The following MAPKBP1 variants were observed in gnomAD, a reference collection of about 807,000 sequenced individuals.
The protein encoded by MAPKBP1 is mitogen-activated protein kinase-binding protein 1.
In MAPKBP1, 71 loss-of-function variants were observed where a neutral mutation model predicts 170.5. That is an observed-to-expected ratio of 0.42 (90% confidence interval 0.34 to 0.51). The LOEUF (loss-of-function observed/expected upper bound fraction) is 0.51. Ranked by LOEUF, MAPKBP1 falls within the 20% of genes least tolerant of loss-of-function variation. The pLI, the probability that MAPKBP1 is intolerant of heterozygous loss-of-function variation, is 0.06. For synonymous variants in MAPKBP1, 719 were observed against 757.9 expected (o/e 0.95, Z 0.84); for missense variants, 1,598 against 1,933.0 (o/e 0.83, Z 3.25).
intron 3 of MAPKBP1, among the ~76,000 whole-genome samples, chr15:41,808,999 G>C (rs1322660091): frequency 6.8e-6 from 1 of 147,996 alleles, no homozygotes; most frequent in African/African-American, 2.5e-5. Flanking sequence ...CCAGGAGGTC[G>C]AGGCTGCAGG....
At chr15:41,794,516 G>A (rs1321235167) in intron 2 of MAPKBP1, among the ~76,000 whole-genome samples, 1 of 152,128 alleles carries the variant, frequency 6.6e-6, no homozygotes, top group East Asian at 1.9e-4. Context: ...AATGTTACCT[G>A]TACCATTAAG....
chr15:41,787,709 A>C (rs1461320337), intron 2 of MAPKBP1, among the ~76,000 whole-genome samples: 2 of 151,918 alleles, frequency 1.3e-5, no homozygotes, highest in African/African-American at 4.8e-5. Flanking sequence ...ATTTGTGAAG[A>C]GCCATGCCAT....
intron 2 of MAPKBP1, among the ~76,000 whole-genome samples, chr15:41,784,885 C>A (rs1409718666): frequency 4.3e-5 from 6 of 141,066 alleles, no homozygotes; most frequent in Non-Finnish European, 3.1e-5. Context: ...ATGGCGAAAC[C>A]CTATCTGTAA....
intron 2 of MAPKBP1, among the ~76,000 whole-genome samples, chr15:41,786,777 A>ATATATATAT (rs1555448144): frequency 4.9e-4 from 16 of 32,438 alleles, no homozygotes; most frequent in East Asian, 7.8e-4. Flanking sequence ...AAAAAAAAAA[A>ATATATATAT]ATATATATAT....
At chr15:41,805,126 C>G (rs2064668400) in intron 3 of MAPKBP1, among the ~76,000 whole-genome samples, 1 of 152,176 alleles carries the variant, frequency 6.6e-6, no homozygotes, top group South Asian at 2.1e-4. Context: ...AGGCGAATAT[C>G]AAACCAAAAC....
chr15:41,815,345 G>T lies in MAPKBP1; in HGVS notation c.1257G>T (p.Leu419=), dbSNP rs909563190. 1 of 1,614,206 alleles carries T rather than the reference G, an allele frequency of 6.2e-7. No individual in the cohort carries two copies. The highest frequency in any genetic ancestry group is 8.5e-7 in the Non-Finnish European group (1 of 1,180,040). ...GCTCCTCAGACAACACCATCCGCCT[G>T]TGGAACACAGAGAGCTCCGGGGTGC... The part of the protein sequence containing the change: ...ITCSSDNTIR[L]WNTESSGVHG... Residue 419 remains leucine, a synonymous_variant, in exon 11 of 31, where the codon CTG becomes CTT. Transcript: ENST00000457542.
chr15:41,775,347 C>T lies in MAPKBP1; in HGVS notation c.72C>T (p.Arg24=), dbSNP rs1360072528. The change falls in exon 2 of 31, where the codon CGC becomes CGT. Residue 24 remains arginine (R), a synonymous_variant. Coordinates refer to ENST00000457542, the MANE Select transcript of MAPKBP1 (RefSeq NM_014994.3). ...TGAGATCTCCATCCATCAAACTGCGCAGGAGTAAGGCAGGAAACCGACGAG... is the reference window on the plus strand; with the variant it reads ...TGAGATCTCCATCCATCAAACTGCGTAGGAGTAAGGCAGGAAACCGACGAG... ...NLLRSPSIKL[R]RSKAGNRRED... is the part of the protein sequence containing the mutation. 6.2e-7 allele frequency: 1 copy of T among 1,614,054 alleles called. No homozygotes were observed. Among genetic ancestry groups the T allele is most frequent in the Admixed American group, 1.7e-5 (1 of 60,008 alleles).
chr15:41,825,548 G>T lies in MAPKBP1; in HGVS notation c.*112G>T. Reference sequence around the variant, plus strand: ...CTTGGAGTGGAAAGCAGGGAGCAGTGTTCAGAGGCAAAGCAGCCTTCCCAG... The same window carrying T: ...CTTGGAGTGGAAAGCAGGGAGCAGTTTTCAGAGGCAAAGCAGCCTTCCCAG... On this transcript the variant is annotated 3_prime_UTR_variant, in exon 31 of 31. Transcript: ENST00000457542. 1 of 946,064 alleles carries T rather than the reference G, an allele frequency of 1.1e-6. No homozygotes were observed. Among genetic ancestry groups the T allele is most frequent in the Non-Finnish European group, 1.5e-6 (1 of 650,714 alleles). 58.6% of individuals were successfully genotyped at this position (946,064 alleles called of 1,614,324 possible). A position where few individuals can be genotyped will look rare whatever the true frequency, so the allele number is the denominator to read the frequency against.
intron 21 of MAPKBP1, 44 bp from the exon 22 acceptor site, chr15:41,819,547 CGGGG>C: frequency 8.1e-7 from 1 of 1,228,202 alleles, no homozygotes; most frequent in Non-Finnish European, 1.1e-6. Flanking sequence ...GGTTGGGTGG[CGGGG>C]GGGGGGCAGG....
rs2065056343 is a variant in MAPKBP1 at position 41,824,528 on chromosome 15, C to T, written c.4258C>T (p.Leu1420Phe). The T allele has an allele frequency of 6.2e-7, 1 of 1,603,386 alleles. No homozygotes were observed. Among genetic ancestry groups the T allele is most frequent in the Admixed American group, 1.7e-5 (1 of 58,936 alleles). ...LEQCEQLVAE[L>F]RGSVRQAVRL... is the part of the protein sequence containing the mutation. ...GCAGTGTGAGCAGCTGGTGGCAGAG[C>T]TCCGCGGCAGCGTGCGCCAGGCAGT... The change falls in exon 30 of 31, where the codon CTC becomes TTC. Residue 1420 changes from leucine (L) to phenylalanine (F), a missense_variant. Around this residue, in one of 6 missense-constraint regions of MAPKBP1, gnomAD observed 942 missense variants for 953.2 expected, o/e 0.99. Coordinates refer to ENST00000457542, the MANE Select transcript of MAPKBP1 (RefSeq NM_014994.3).
chr15:41,823,364 C>A (rs1335649576), intron 28 of MAPKBP1, 83 bp from the exon 29 acceptor site: 2 of 1,550,728 alleles, frequency 1.3e-6, no homozygotes, highest in Admixed American at 3.6e-5. Flanking sequence ...TGGAGGGGAA[C>A]AGCAGCTCTT....
At chr15:41,809,340 C>A (rs2064763523) in intron 3 of MAPKBP1, among the ~76,000 whole-genome samples, 1 of 152,124 alleles carries the variant, frequency 6.6e-6, no homozygotes, top group Non-Finnish European at 1.5e-5. Flanking sequence ...AATTCCACAG[C>A]TGTTGGTCAG....
At position 41,817,742 on chromosome 15, in the gene MAPKBP1, G is replaced by A. The variant is rs563109655; in HGVS notation, c.1904+7G>A. 8.7e-6 allele frequency: 14 copies of A among 1,611,292 alleles called. No homozygotes were observed. Among genetic ancestry groups the A allele is most frequent in the Admixed American group, 5.0e-5 (3 of 59,506 alleles). ...GCCAGGACCGAAATATTCGGTGGGCGTCCCCTCCTCAGACTCTGCCCACAT... is the reference window on the plus strand; with the variant it reads ...GCCAGGACCGAAATATTCGGTGGGCATCCCCTCCTCAGACTCTGCCCACAT... On this transcript the variant is annotated splice_region_variant and intron_variant, in intron 16 of 30. Transcript: ENST00000457542. This position sits in a 1 kb window ranked among gnomAD's most constrained non-coding sequence, Gnocchi z 4.2.
chr15:41,820,249 G>T (rs942132831), intron 22 of MAPKBP1, among the ~76,000 whole-genome samples: 1 of 152,164 alleles, frequency 6.6e-6, no homozygotes, highest in Non-Finnish European at 1.5e-5. Flanking sequence ...TGATGCTGTG[G>T]TGTCTCTGGA....
chr15:41,786,777 A>AAAAAAAAAAAATATATATAT, intron 2 of MAPKBP1, among the ~76,000 whole-genome samples: 5 of 32,452 alleles, frequency 1.5e-4, no homozygotes, highest in Non-Finnish European at 2.2e-4. Context: ...AAAAAAAAAA[A>AAAAAAAAAAAATATATATAT]ATATATATAT....
rs2064904877 is a variant in MAPKBP1 at position 41,817,099 on chromosome 15, C to G, written c.1711+64C>G. On this transcript the variant is annotated intron_variant, in intron 14 of 30. Coordinates refer to ENST00000457542, the MANE Select transcript of MAPKBP1 (RefSeq NM_014994.3). The surrounding 1 kb of genome is among the most constrained non-coding windows in gnomAD (Gnocchi z 4.2). The stretch of plus-strand genomic sequence containing the variant: ...ACCCCTGCTGCCATCTGCCTCCCAC[C>G]TCCATGAGAAGGGTCTGCCCATTGT... The G allele has an allele frequency of 2.0e-6, 3 of 1,530,878 alleles. 1 individual carries two copies. The South Asian group carries it at 3.8e-5, about 20-fold the overall frequency. The allele number at this position is 1,530,878 out of a possible 1,614,324, so 94.8% of individuals were successfully genotyped here. A position where few individuals can be genotyped will look rare whatever the true frequency, so the allele number is the denominator to read the frequency against.
At chr15:41,790,775 G>A (rs1053759018) in intron 2 of MAPKBP1, among the ~76,000 whole-genome samples, 10 of 152,186 alleles carry the variant, frequency 6.6e-5, no homozygotes, top group African/African-American at 2.4e-4. Flanking sequence ...TCTTCAGCTG[G>A]CCATTGTGCC....
In MAPKBP1 at chr15:41,823,564, A is replaced by C; in HGVS notation, c.3716A>C (p.His1239Pro). 1.2e-6 allele frequency: 2 copies of C among 1,613,822 alleles called. No homozygotes were observed. Among genetic ancestry groups the C allele is most frequent in the Middle Eastern group, 1.6e-4 (1 of 6,062 alleles). The change falls in exon 29 of 31, where the codon CAC becomes CCC. Residue 1239 changes from histidine to proline, a missense_variant. By Grantham distance (77) the His-to-Pro change is moderately conservative (BLOSUM62 -2). Coordinates refer to ENST00000457542, the MANE Select transcript of MAPKBP1 (RefSeq NM_014994.3). ...GCTGATGGCCGTCCGTCTCGGCCTC[A>C]CTCCTATCAGAACCCCACCACCAGT... is the stretch of plus-strand genomic sequence containing the variant. ...PPADGRPSRP[H>P]SYQNPTTSSM... is the part of the protein sequence containing the mutation.
chr15:41,818,646 C>T lies in MAPKBP1; in HGVS notation c.2156+64C>T. On this transcript the variant is annotated intron_variant, in intron 19 of 30. Coordinates refer to ENST00000457542, the MANE Select transcript of MAPKBP1 (RefSeq NM_014994.3). The surrounding 1 kb of genome is among the most constrained non-coding windows in gnomAD (Gnocchi z 5.2). ...CTCTGCCACAGCACCCTGCCCTCCC[C>T]TCTCTCCATTTCAGTGATGTCTCTG... 6.5e-7 allele frequency: 1 copy of T among 1,540,594 alleles called. No individual in the cohort carries two copies. Among genetic ancestry groups the T allele is most frequent in the Non-Finnish European group, 8.9e-7 (1 of 1,127,244 alleles).
Sources: gnomAD v4.1 joint callset for allele counts (sites outside exome capture counted in the v4.1 genomes callset) on GRCh38, gnomAD v4.1.1 for gene constraint, gnomAD v4.1.1 regional missense constraint, Gnocchi (gnomAD v3.1) non-coding constraint, MANE v1.5 for transcripts, NCBI Gene and HGNC (gene_info 2026-07-23, HGNC 2026-07-21) for gene names.